The following RRAGD variants were observed in gnomAD, a reference collection of about 807,000 sequenced individuals.
The protein encoded by RRAGD is Ras related GTP binding D.
A neutral mutation model predicts 35.5 loss-of-function variants in RRAGD; 12 were observed. The observed-to-expected ratio is 0.34, with a 90% CI of 0.22 to 0.55. The LOEUF (loss-of-function observed/expected upper bound fraction) is 0.55, where lower values mean the gene tolerates loss of function less well. Among genes scored for constraint, RRAGD ranks in the 20% least tolerant of loss-of-function variants. The probability of loss-of-function intolerance (pLI) is 0.91; values close to 1 mark genes in which losing one functional copy is unlikely to be tolerated. For synonymous variants in RRAGD, 155 were observed against 178.9 expected (o/e 0.87, Z 1.07); for missense variants, 324 against 490.1 (o/e 0.66, Z 3.20).
At chr6:89,389,512 T>C (rs1388692356) in intron 1 of RRAGD, among the ~76,000 whole-genome samples, 2 of 138,948 alleles carry the variant, frequency 1.4e-5, no homozygotes, top group African/African-American at 2.8e-5. Flanking sequence ...GCCGAGATCA[T>C]GCCACTGCAC....
chr6:89,368,325 G>T, intron 6 of RRAGD, 118 bp from the exon 7 acceptor site: 2 of 785,506 alleles, frequency 2.5e-6, no homozygotes, highest in Non-Finnish European at 3.8e-6. Context: ...TTAGCGTAAG[G>T]ACCAGAGATT....
intron 5 of RRAGD, among the ~76,000 whole-genome samples, chr6:89,376,562 A>G (rs1418173736): frequency 6.6e-6 from 1 of 152,210 alleles, no homozygotes; most frequent in African/African-American, 2.4e-5. Flanking sequence ...TAACATCTTA[A>G]TAAGATGAAC....
chr6:89,411,869 G>C lies in RRAGD; in HGVS notation c.125C>G (p.Pro42Arg), dbSNP rs371843902. ...GDGPDSSDAD[P>R]DSGTEEGVLD... ...ACCTCCCTCCTCTGTGCCGCTGTCC[G>C]GATCGGCGTCGGAGGAGTCGGGCCC... Residue 42 changes from proline to arginine, a missense_variant, in exon 1 of 7, where the codon CCG (proline) becomes CGG (arginine). By Grantham distance (103) the Pro-to-Arg change is moderately radical. Coordinates refer to ENST00000369415, the MANE Select transcript of RRAGD (RefSeq NM_021244.5). This position sits in a 1 kb window ranked among gnomAD's most constrained non-coding sequence, Gnocchi z 5.6. 4 of 1,550,354 alleles carry C rather than the reference G, an allele frequency of 2.6e-6. No individual in the cohort carries two copies. The highest frequency in any genetic ancestry group is 3.5e-6 in the Non-Finnish European group (4 of 1,150,372).
At position 89,367,100 on chromosome 6, in the gene RRAGD, C is replaced by T. The variant is rs905920936; in HGVS notation, c.*956G>A. The T allele has an allele frequency of 3.9e-5, 6 of 152,182 alleles. No homozygotes were observed. Among genetic ancestry groups the T allele is most frequent in the African/African-American group, 1.4e-4 (6 of 41,434 alleles). The allele number at this position is 152,182 out of a possible 1,614,324, so 9.4% of individuals were successfully genotyped here. ...AGCATTTTAAATGCAGCACACCAGA[C>T]CATCGCACAGGGCCAAAAGTCCAGA... On this transcript the variant is annotated 3_prime_UTR_variant, in exon 7 of 7. Coordinates refer to ENST00000369415, the MANE Select transcript of RRAGD (RefSeq NM_021244.5).
intron 4 of RRAGD, 151 bp downstream of exon 4, chr6:89,379,073 A>T (rs1043167984): frequency 9.8e-6 from 5 of 509,310 alleles, no homozygotes; most frequent in Non-Finnish European, 1.7e-5. Flanking sequence ...ATTTTAAAGG[A>T]TCTAAAAGAA....
At chr6:89,403,055 G>A (rs1391190206) in intron 1 of RRAGD, among the ~76,000 whole-genome samples, 1 of 152,188 alleles carries the variant, frequency 6.6e-6, no homozygotes, top group Non-Finnish European at 1.5e-5. Context: ...CTAGGGATCT[G>A]ATATACAACA....
At chr6:89,397,620 A>G in intron 1 of RRAGD, among the ~76,000 whole-genome samples, 1 of 151,592 alleles carries the variant, frequency 6.6e-6, no homozygotes, top group South Asian at 2.1e-4. Flanking sequence ...AAAACAAAAA[A>G]AAACAAAAAA....
At chr6:89,376,849 C>T (rs1421042250) in intron 5 of RRAGD, among the ~76,000 whole-genome samples, 1 of 152,088 alleles carries the variant, frequency 6.6e-6, no homozygotes, top group Non-Finnish European at 1.5e-5. Context: ...TCAGTTTTTT[C>T]ATCTGTAAAG....
At chr6:89,385,273 G>A (rs1207450445) in intron 2 of RRAGD, among the ~76,000 whole-genome samples, 2 of 152,154 alleles carry the variant, frequency 1.3e-5, no homozygotes, top group Non-Finnish European at 2.9e-5. Flanking sequence ...TGGTATTTAA[G>A]TAAGTACTTA....
intron 1 of RRAGD, among the ~76,000 whole-genome samples, chr6:89,390,154 C>T (rs1380147402): frequency 6.6e-6 from 1 of 152,012 alleles, no homozygotes; most frequent in South Asian, 2.1e-4. Context: ...GGTTTCTTAG[C>T]TATCACAGCA....
intron 1 of RRAGD, among the ~76,000 whole-genome samples, chr6:89,398,312 G>A (rs1769380337): frequency 6.6e-6 from 1 of 152,172 alleles, no homozygotes; most frequent in East Asian, 1.9e-4. Flanking sequence ...TCAAATATGT[G>A]TTATGTCAAT....
chr6:89,403,741 C>T (rs1769524951), intron 1 of RRAGD, among the ~76,000 whole-genome samples: 1 of 150,782 alleles, frequency 6.6e-6, no homozygotes, highest in Non-Finnish European at 1.5e-5. Context: ...CTCAAGTGAT[C>T]CTTCTGCCTC....
intron 1 of RRAGD, among the ~76,000 whole-genome samples, chr6:89,410,107 C>A (rs1769665587): frequency 1.3e-5 from 2 of 152,168 alleles, no homozygotes; most frequent in Admixed American, 1.3e-4. Flanking sequence ...TCAAGCAGGG[C>A]TTTAATTTCA....
intron 1 of RRAGD, among the ~76,000 whole-genome samples, chr6:89,398,764 G>T (rs552853851): frequency 6.6e-6 from 1 of 152,170 alleles, no homozygotes; most frequent in Non-Finnish European, 1.5e-5. Context: ...CATTTCACAG[G>T]TGAAGAAATT....
intron 5 of RRAGD, among the ~76,000 whole-genome samples, chr6:89,375,753 T>C (rs1768923753): frequency 6.6e-6 from 1 of 152,218 alleles, no homozygotes; most frequent in Admixed American, 6.5e-5. Flanking sequence ...CCACAAACCA[T>C]CTGTGACCCA....
intron 4 of RRAGD, among the ~76,000 whole-genome samples, chr6:89,378,058 C>A (rs2127886867): frequency 6.6e-6 from 1 of 152,338 alleles, no homozygotes; most frequent in South Asian, 2.1e-4. Context: ...AATCCCAGCA[C>A]TTTGGGAGGC....
chr6:89,378,858 AGTAAG>A (rs1281544804), intron 4 of RRAGD, among the ~76,000 whole-genome samples: 2 of 131,528 alleles, frequency 1.5e-5, no homozygotes, highest in African/African-American at 7.3e-5. Context: ...CCTGGGCTCA[AGTAAG>A]TACTCCTTCC....
Position 89,401,747 on chromosome 6 carries a change from C to A in RRAGD, c.148+10099G>T, listed in dbSNP as rs571359286. Among the ~76,000 whole-genome samples the A allele has an allele frequency of 1.3e-3, 200 of 152,294 alleles. 1 individual carries two copies. The highest frequency in any genetic ancestry group is 2.3e-3 in the Non-Finnish European group (154 of 68,028). On this transcript the variant is annotated intron_variant, in intron 1 of 6. Transcript: ENST00000369415. ...TCAGCTCAGCCCAGCTGCAATGTCACCCCCACTGCTAAATCAGGCACTATC... is the reference window on the plus strand; with the variant it reads ...TCAGCTCAGCCCAGCTGCAATGTCAACCCCACTGCTAAATCAGGCACTATC...
chr6:89,367,746 A>C lies in RRAGD; in HGVS notation c.*310T>G, dbSNP rs1259501384. ...AAGTTCAGTTCAATGAGAAACATGA[A>C]AAAGTGCAAAATATGTACAATTCCT... On this transcript the variant is annotated 3_prime_UTR_variant, in exon 7 of 7. Transcript: ENST00000369415. 3 of 245,894 alleles carry C rather than the reference A, an allele frequency of 1.2e-5. No individual in the cohort carries two copies. The highest frequency in any genetic ancestry group is 4.5e-5 in the African/African-American group (2 of 44,930). The allele number at this position is 245,894 out of a possible 1,614,324, so 15.2% of individuals were successfully genotyped here.
Sources: gnomAD v4.1 joint callset for allele counts (sites outside exome capture counted in the v4.1 genomes callset) on GRCh38, gnomAD v4.1.1 for gene constraint, Gnocchi (gnomAD v3.1) non-coding constraint, MANE v1.5 for transcripts, NCBI Gene and HGNC (gene_info 2026-07-23, HGNC 2026-07-21) for gene names.